BRD7: variants seen among roughly 807,000 people sequenced by gnomAD.
The protein encoded by BRD7 is bromodomain containing 7.
In BRD7, 15 loss-of-function variants were observed where a neutral mutation model predicts 82.1. That is an observed-to-expected ratio of 0.18 (90% CI 0.12 to 0.28). BRD7 has a LOEUF of 0.28. Among genes scored for constraint, BRD7 ranks in the 10% least tolerant of loss-of-function variants. The pLI, the probability that BRD7 is intolerant of heterozygous loss-of-function variation, is 1.00. For missense variants in BRD7, 638 were observed against 779.9 expected, an observed-to-expected ratio of 0.82 and a Z score of 2.17; for synonymous variants, 232 against 266.9, an observed-to-expected ratio of 0.87 and a Z score of 1.27.
At chr16:50,334,675 A>C (rs747142891) in intron 7 of BRD7, 36 bp downstream of exon 7, 7 of 1,604,558 alleles carry the variant, frequency 4.4e-6, no homozygotes, top group East Asian at 4.5e-5. Flanking sequence ...AGCTTGAAGA[A>C]GACAGTTTGA....
chr16:50,349,304 G>A (rs1426644842), intron 5 of BRD7: 1 of 282,820 alleles, frequency 3.5e-6, no homozygotes, highest in Non-Finnish European at 6.9e-6. Context: ...TAAATGATGA[G>A]TTAATGGGTT....
chr16:50,340,121 A>C, intron 5 of BRD7, 35 bp from the exon 6 acceptor site: 1 of 1,286,448 alleles, frequency 7.8e-7, no homozygotes, highest in African/African-American at 1.5e-5. Context: ...AAATGCATTA[A>C]TGCAAAACAA....
chr16:50,331,392 A>T, intron 8 of BRD7, among the ~76,000 whole-genome samples: 1 of 152,236 alleles, frequency 6.6e-6, no homozygotes. Context: ...CAGAGGCATC[A>T]CATTACCCAA....
intron 1 of BRD7, 66 bp from the exon 2 acceptor site, chr16:50,368,364 T>A: frequency 6.6e-7 from 1 of 1,524,336 alleles, no homozygotes; most frequent in Non-Finnish European, 8.9e-7. Context: ...CAGGGAGTGC[T>A]AAGGATGCAG....
chr16:50,333,177 CA>C (rs1413005444), intron 8 of BRD7, among the ~76,000 whole-genome samples: 5 of 152,142 alleles, frequency 3.3e-5, no homozygotes, highest in African/African-American at 4.8e-5. Context: ...TTCAAAAGAC[CA>C]GAATACAAAT....
In BRD7 at chr16:50,323,696, A is replaced by C. The variant is rs777068623; in HGVS notation, c.1334T>G (p.Ile445Ser). ...EDSDLPSDFS[I>S]HEFLATCQDY... Reference sequence around the variant, plus strand: ...TTGGCACGTGGCCAAAAACTCATGGATGCTGCAAGAGACAGTTAGGAAAGT... The same window carrying C: ...TTGGCACGTGGCCAAAAACTCATGGCTGCTGCAAGAGACAGTTAGGAAAGT... The change falls in exon 12 of 17, where the codon ATC becomes AGC. Residue 445 changes from isoleucine to serine, a missense_variant and splice_region_variant. Transcript: ENST00000394688. 7.4e-6 allele frequency: 12 copies of C among 1,611,266 alleles called. No individual in the cohort carries two copies. Among genetic ancestry groups the C allele is most frequent in the Admixed American group, 1.7e-5 (1 of 59,998 alleles).
intron 6 of BRD7, among the ~76,000 whole-genome samples, chr16:50,336,051 A>G (rs1046172117): frequency 3.3e-5 from 5 of 152,244 alleles, no homozygotes; most frequent in African/African-American, 1.2e-4. Context: ...TACATAACCC[A>G]GCAAATTGGA....
intron 9 of BRD7, among the ~76,000 whole-genome samples, 163 bp downstream of exon 9, chr16:50,328,502 AAGTT>A (rs1376338873): frequency 6.6e-6 from 1 of 152,224 alleles, no homozygotes; most frequent in Non-Finnish European, 1.5e-5. Flanking sequence ...GATGAAGTGA[AAGTT>A]AGGCTAGCTG....
chr16:50,328,855 A>G (rs1001530107), intron 8 of BRD7, 111 bp from the exon 9 acceptor site: 2 of 907,320 alleles, frequency 2.2e-6, no homozygotes, highest in East Asian at 5.0e-5. Context: ...AGATTTTCCC[A>G]GATTTTGGAA....
chr16:50,336,205 A>G (rs1274492255), intron 6 of BRD7, among the ~76,000 whole-genome samples: 1 of 152,232 alleles, frequency 6.6e-6, no homozygotes, highest in African/African-American at 2.4e-5. Context: ...CCTATGATTG[A>G]ACATTTAGAT....
At chr16:50,357,848 G>A (rs1014675466) in intron 2 of BRD7, among the ~76,000 whole-genome samples, 19 of 152,132 alleles carry the variant, frequency 1.2e-4, no homozygotes, top group Admixed American at 3.3e-4. Context: ...GCGGGTGGTG[G>A]TGCACGCCTG....
At chr16:50,324,856 G>A (rs1340672998) in intron 11 of BRD7, among the ~76,000 whole-genome samples, 2 of 152,218 alleles carry the variant, frequency 1.3e-5, no homozygotes, top group African/African-American at 2.4e-5. Flanking sequence ...ATAGATGCAT[G>A]ATCCAGAAAG....
intron 5 of BRD7, chr16:50,349,385 TAAATTAAAAAAAAAA>T (rs1391906121): frequency 2.9e-6 from 1 of 343,784 alleles, no homozygotes; most frequent in African/African-American, 2.2e-5. Context: ...CCCTAGAACT[TAAATTAAAAAAAAAA>T]AAATTAAAAA....
intron 6 of BRD7, among the ~76,000 whole-genome samples, chr16:50,339,545 G>A (rs2037958262): frequency 6.6e-6 from 1 of 152,190 alleles, no homozygotes; most frequent in African/African-American, 2.4e-5. Context: ...TATGCAGTCT[G>A]TATATACAGT....
intron 5 of BRD7, among the ~76,000 whole-genome samples, chr16:50,341,967 C>CACAT (rs571195473): frequency 6.7e-6 from 1 of 149,088 alleles, no homozygotes; most frequent in East Asian, 2.0e-4. Context: ...CACACACACA[C>CACAT]ATTTTACTTC....
intron 2 of BRD7, among the ~76,000 whole-genome samples, chr16:50,359,270 T>G (rs1413884954): frequency 6.6e-6 from 1 of 152,258 alleles, no homozygotes; most frequent in Non-Finnish European, 1.5e-5. Flanking sequence ...GTGACAAAGC[T>G]ATGATATGGA....
At chr16:50,327,394 A>G (rs887472938) in intron 9 of BRD7, among the ~76,000 whole-genome samples, 1 of 152,206 alleles carries the variant, frequency 6.6e-6, no homozygotes, top group African/African-American at 2.4e-5. Flanking sequence ...TCCTAACACC[A>G]AATGTTCACC....
intron 2 of BRD7, 138 bp downstream of exon 2, chr16:50,367,952 T>C (rs1002896849): frequency 1.2e-6 from 1 of 854,976 alleles, no homozygotes; most frequent in South Asian, 1.6e-5. Flanking sequence ...TTCATGTCTC[T>C]ATTCTGTCCT....
chr16:50,341,970 T>A (rs1304975822), intron 5 of BRD7, among the ~76,000 whole-genome samples: 3 of 106,820 alleles, frequency 2.8e-5, no homozygotes, highest in African/African-American at 8.2e-5. Context: ...ACACACACAT[T>A]TTACTTCAAC....
Sources: allele counts gnomAD v4.1 joint callset (sites outside exome capture counted in the v4.1 genomes callset), GRCh38; gene constraint gnomAD v4.1.1; transcripts MANE v1.5; gene names NCBI Gene and HGNC (gene_info 2026-07-23, HGNC 2026-07-21).